The following DCAF8L2 variants were observed in gnomAD, a reference collection of about 807,000 sequenced individuals.
The protein encoded by DCAF8L2 is DDB1- and CUL4-associated factor 8-like protein 2.
For missense variants in DCAF8L2, 430 were observed against 490.7 expected (o/e 0.88, Z 1.17); for synonymous variants, 200 against 190.9 (o/e 1.05, Z -0.39).
At chrX:27,697,866 GAGAA>G (rs2147263453) in intron 3 of DCAF8L2, among the ~76,000 whole-genome samples, 1 of 110,233 alleles carries the variant, frequency 9.1e-6, no homozygotes, top group East Asian at 2.9e-4. Context: ...AGAAGAAAGA[GAGAA>G]AGAAAAAGAA....
rs947818678 is a variant in DCAF8L2, at chrX:27,749,289, T to C, written c.*498T>C. 8.9e-6 allele frequency among the ~76,000 whole-genome samples: 1 copy of C among 112,002 alleles called. No homozygotes were observed. Among genetic ancestry groups the C allele is most frequent in the Non-Finnish European group, 1.9e-5 (1 of 53,265 alleles). ...TTAGAAAATAAGACAAACTACAGTT[T>C]TGTTCTGTCGATACTGACACTTGGC... On this transcript the variant is annotated 3_prime_UTR_variant, in exon 5 of 5. Transcript: ENST00000451261.
At chrX:27,535,821 T>A in the DCAF8L2 span, among the ~76,000 whole-genome samples, 49,355 of 110,959 alleles carry the variant, frequency 0.44, 9,207 homozygotes, top group South Asian at 0.69. Context: ...TTTCCAATAT[T>A]TACCATACCT....
At chrX:27,549,152 T>G in the DCAF8L2 span, among the ~76,000 whole-genome samples, 4 of 111,530 alleles carry the variant, frequency 3.6e-5, no homozygotes, top group East Asian at 1.1e-3. Context: ...TAGTGGCAAT[T>G]GCATGAATTA....
intron 1 of DCAF8L2, among the ~76,000 whole-genome samples, chrX:27,620,003 T>A (rs1927679750): frequency 9.0e-6 from 1 of 111,317 alleles, no homozygotes. Flanking sequence ...ACATGAAAAA[T>A]TTCGAATTTT....
chrX:27,577,074 A>G, the DCAF8L2 span, among the ~76,000 whole-genome samples: 1 of 112,082 alleles, frequency 8.9e-6, no homozygotes, highest in Non-Finnish European at 1.9e-5. Flanking sequence ...GGTCCATGCT[A>G]TGCAACTCCC....
At chrX:27,650,530 T>C (rs1296559265) in intron 2 of DCAF8L2, among the ~76,000 whole-genome samples, 2 of 112,153 alleles carry the variant, frequency 1.8e-5, no homozygotes, top group African/African-American at 6.5e-5. Flanking sequence ...GTTAGATGTA[T>C]TGCTAGGTAT....
intron 4 of DCAF8L2, among the ~76,000 whole-genome samples, chrX:27,730,434 T>C (rs5926886): frequency 0.48 from 52,878 of 109,944 alleles, 9,265 homozygotes; most frequent in Middle Eastern, 0.6. Context: ...ATTTTGCTTT[T>C]TGAGACAGAA....
chrX:27,698,505 A>G (rs2147264343), intron 3 of DCAF8L2, among the ~76,000 whole-genome samples: 1 of 111,948 alleles, frequency 8.9e-6, no homozygotes, highest in East Asian at 2.8e-4. Flanking sequence ...TTCCAGTTTG[A>G]GACATTTCAG....
intron 1 of DCAF8L2, among the ~76,000 whole-genome samples, chrX:27,601,148 G>A (rs1926622274): frequency 9.0e-6 from 1 of 111,189 alleles, no homozygotes; most frequent in Non-Finnish European, 1.9e-5. Context: ...ACGTTGCCCA[G>A]GCTGGGCTCT....
chrX:27,689,545 C>A (rs1930636071), intron 3 of DCAF8L2, among the ~76,000 whole-genome samples: 1 of 112,747 alleles, frequency 8.9e-6, no homozygotes, highest in Non-Finnish European at 1.9e-5. Context: ...GCACCCAGCC[C>A]ACCATAAGAT....
At chrX:27,719,384 T>C (rs1931809857) in intron 4 of DCAF8L2, among the ~76,000 whole-genome samples, 2 of 110,375 alleles carry the variant, frequency 1.8e-5, no homozygotes, top group African/African-American at 6.6e-5. Flanking sequence ...AAAACATATA[T>C]AAAGAAAGTG....
intron 3 of DCAF8L2, among the ~76,000 whole-genome samples, chrX:27,693,814 A>G (rs1282830499): frequency 8.9e-6 from 1 of 112,320 alleles, no homozygotes; most frequent in African/African-American, 3.2e-5. Context: ...TATTTCTCAA[A>G]TAACTCAAAA....
intron 1 of DCAF8L2, among the ~76,000 whole-genome samples, chrX:27,629,402 ATTTCTTTCTCTCTCTCTT>A (rs1720320058): frequency 9.1e-6 from 1 of 109,864 alleles, no homozygotes; most frequent in East Asian, 2.9e-4. Context: ...TAGAGGTTAA[ATTTCTTTCTCTCTCTCTT>A]TTTCTTTCTC....
intron 4 of DCAF8L2, among the ~76,000 whole-genome samples, chrX:27,733,910 A>T (rs747112068): frequency 8.9e-6 from 1 of 111,934 alleles, no homozygotes; most frequent in African/African-American, 3.2e-5. Context: ...GATATACAAC[A>T]TTAACAGAAT....
chrX:27,720,778 TTA>T (rs1438259532), intron 4 of DCAF8L2, among the ~76,000 whole-genome samples: 1 of 112,174 alleles, frequency 8.9e-6, no homozygotes, highest in Non-Finnish European at 1.9e-5. Flanking sequence ...TCAAAAAAAT[TTA>T]GTCTTCTAAT....
intron 2 of DCAF8L2, among the ~76,000 whole-genome samples, chrX:27,635,367 G>A (rs191577880): frequency 5.4e-5 from 6 of 110,816 alleles, no homozygotes; most frequent in Non-Finnish European, 9.5e-5. Flanking sequence ...CTTAATACCC[G>A]CCCAAGGAAT....
the DCAF8L2 span, chrX:27,519,895 CT>C: frequency 6.2e-5 from 16 of 258,669 alleles, no homozygotes; most frequent in East Asian, 3.7e-4. Flanking sequence ...TAATTATATA[CT>C]TTTTTTGAAA....
the DCAF8L2 span, among the ~76,000 whole-genome samples, chrX:27,546,744 A>T: frequency 1.8e-5 from 2 of 112,242 alleles, no homozygotes; most frequent in South Asian, 7.4e-4. Flanking sequence ...CCTTTTAGCC[A>T]CTACTGGAGC....
chrX:27,635,499 C>T (rs1470133909), intron 2 of DCAF8L2, among the ~76,000 whole-genome samples: 1 of 111,258 alleles, frequency 9.0e-6, no homozygotes, highest in Non-Finnish European at 1.9e-5. Flanking sequence ...ACCAACCTTA[C>T]TAAATAAAAT....
Sources: allele counts gnomAD v4.1 joint callset (sites outside exome capture counted in the v4.1 genomes callset), GRCh38; gene constraint gnomAD v4.1.1; transcripts MANE v1.5; gene names NCBI Gene and HGNC (gene_info 2026-07-23, HGNC 2026-07-21).